Variants in ZNF316 observed in about 807,000 individuals in gnomAD.
ZNF316 encodes the protein zinc finger protein 316.
ZNF316 carries 23 observed loss-of-function variants against 75.6 expected under a neutral mutation model. The observed-to-expected ratio is 0.30, with a 90% confidence interval of 0.22 to 0.43. The LOEUF is 0.43. Ranked by LOEUF, ZNF316 falls within the 20% of genes least tolerant of loss-of-function variation. ZNF316 has a pLI of 1.00. For missense variants in ZNF316, 1,266 were observed against 1,409.4 expected, an observed-to-expected ratio of 0.90 and a Z score of 1.63; for synonymous variants, 827 against 666.2, an observed-to-expected ratio of 1.24 and a Z score of -3.72.
In ZNF316 at chr7:6,654,598, A is replaced by C; in HGVS notation, c.3002A>C (p.Glu1001Ala). 8.4e-7 allele frequency: 1 copy of C among 1,185,806 alleles called. No individual in the cohort carries two copies. Among genetic ancestry groups the C allele is most frequent in the Non-Finnish European group, 1.0e-6 (1 of 958,390 alleles). The allele number at this position is 1,185,806 out of a possible 1,614,324, so 73.5% of individuals were successfully genotyped here. The change falls in exon 9 of 9, where the codon GAG (glutamate) becomes GCG (alanine). Residue 1001 changes from glutamate (E) to alanine (A), a missense_variant. Glu to Ala is a moderately radical substitution (Grantham distance 107, BLOSUM62 -1). Transcript: ENST00000382252. ...AFAGPSGAYR[E>A]GVL is the part of the protein sequence containing the mutation. Reference sequence around the variant, plus strand: ...GCCGGGCCCTCGGGCGCCTACCGGGAGGGCGTCCTGTGAGGGGCCCGGGGC... The same window carrying C: ...GCCGGGCCCTCGGGCGCCTACCGGGCGGGCGTCCTGTGAGGGGCCCGGGGC...
In ZNF316 at chr7:6,654,736, AG is replaced by A. The variant is rs1247658354; in HGVS notation, c.*126del. The A allele has an allele frequency of 1.2e-6, 1 of 865,508 alleles. No individual in the cohort carries two copies. The highest frequency in any genetic ancestry group is 1.5e-6 in the Non-Finnish European group (1 of 682,742). The allele number at this position is 865,508 out of a possible 1,614,324, so 53.6% of individuals were successfully genotyped here. ...AGTCCTGGGTGCGGTGCCTTCCCTCAGCCCTCGCCCTGCGGCCCCGGGTCTC... is the reference window on the plus strand; with the variant it reads ...AGTCCTGGGTGCGGTGCCTTCCCTCACCCTCGCCCTGCGGCCCCGGGTCTC... On this transcript the variant is annotated 3_prime_UTR_variant, in exon 9 of 9. Transcript: ENST00000382252.
At position 6,637,956 on chromosome 7, in the gene ZNF316, T is replaced by A. The variant is rs1779246638; in HGVS notation, c.-320T>A. 1 of 152,138 alleles carries A rather than the reference T, an allele frequency of 6.6e-6. No individual in the cohort carries two copies. The highest frequency in any genetic ancestry group is 2.4e-5 in the African/African-American group (1 of 41,422). The allele number at this position is 152,138 out of a possible 1,614,324, so 9.4% of individuals were successfully genotyped here. ...TTGGGGGCCTTATCCGGGCTTTCCC[T>A]CATCTGCAGAAGGAGCCCCGGTGGG... is the stretch of plus-strand genomic sequence containing the variant. On this transcript the variant is annotated 5_prime_UTR_variant, in exon 2 of 9. Transcript: ENST00000382252. The surrounding 1 kb of genome is among the most constrained non-coding windows in gnomAD (Gnocchi z 6.2).
intron 8 of ZNF316, among the ~76,000 whole-genome samples, chr7:6,649,966 C>G (rs1295102111): frequency 2.0e-5 from 3 of 152,156 alleles, no homozygotes; most frequent in Non-Finnish European, 4.4e-5. Flanking sequence ...CTTCTGTGGG[C>G]AAGGCCGCCC....
Position 6,653,152 on chromosome 7 carries a change from G to A in ZNF316, c.1556G>A (p.Arg519Gln). The change falls in exon 9 of 9, where the codon CGG (arginine) becomes CAG (glutamine). Residue 519 changes from arginine to glutamine, a missense_variant. By Grantham distance (43) the Arg-to-Gln change is conservative (BLOSUM62 1). Coordinates refer to ENST00000382252, the MANE Select transcript of ZNF316 (RefSeq NM_001278559.2). Reference sequence around the variant, plus strand: ...GAGGCGGGTGGTGACGGCCCCCGGCGGGAGCCCGGCGAGACGGCGGCCGCC... The same window carrying A: ...GAGGCGGGTGGTGACGGCCCCCGGCAGGAGCCCGGCGAGACGGCGGCCGCC... ...CAEAGGDGPR[R>Q]EPGETAAAAG... The A allele has an allele frequency of 8.4e-7, 1 of 1,184,944 alleles. No homozygotes were observed. The highest frequency in any genetic ancestry group is 1.0e-6 in the Non-Finnish European group (1 of 958,290). The allele number at this position is 1,184,944 out of a possible 1,614,324, so 73.4% of individuals were successfully genotyped here.
In ZNF316 at chr7:6,652,373, G is replaced by A; in HGVS notation, c.777G>A (p.Val259=). ...EEDDEDFLAE[V]AEEENEPPGL... ...ACGACGAGGACTTCCTGGCGGAGGT[G>A]GCCGAGGAGGAGAACGAGCCCCCAG... Residue 259 remains valine, a synonymous_variant, in exon 9 of 9, where the codon GTG becomes GTA. Coordinates refer to ENST00000382252, the MANE Select transcript of ZNF316 (RefSeq NM_001278559.2). The A allele has an allele frequency of 8.1e-7, 1 of 1,232,352 alleles. No homozygotes were observed. The allele number at this position is 1,232,352 out of a possible 1,614,324, so 76.3% of individuals were successfully genotyped here. A position where few individuals can be genotyped will look rare whatever the true frequency, so the allele number is the denominator to read the frequency against.
In ZNF316 at chr7:6,642,325, AG is replaced by A. The variant is rs1206362392; in HGVS notation, c.-28-53del. ...CCGCCAGGCTGCGGGAGACCCTGTGAGGGGACCGTGTGGTGTGCTGAGAGCA... is the reference window on the plus strand; with the variant it reads ...CCGCCAGGCTGCGGGAGACCCTGTGAGGGACCGTGTGGTGTGCTGAGAGCA... On this transcript the variant is annotated intron_variant, in intron 4 of 8. Coordinates refer to ENST00000382252, the MANE Select transcript of ZNF316 (RefSeq NM_001278559.2). This position sits in a 1 kb window ranked among gnomAD's most constrained non-coding sequence, Gnocchi z 8.1. The A allele has an allele frequency of 3.3e-6, 3 of 908,146 alleles. No individual in the cohort carries two copies. The highest frequency in any genetic ancestry group is 4.3e-6 in the Non-Finnish European group (3 of 692,894). 56.3% of individuals were successfully genotyped at this position (908,146 alleles called of 1,614,324 possible).
In ZNF316 at chr7:6,642,052, A is replaced by T. The variant is rs949712407; in HGVS notation, c.-29+90A>T. 5.0e-6 allele frequency: 1 copy of T among 199,838 alleles called. No individual in the cohort carries two copies. Among genetic ancestry groups the T allele is most frequent in the Non-Finnish European group, 1.0e-5 (1 of 99,616 alleles). The allele number at this position is 199,838 out of a possible 1,614,324, so 12.4% of individuals were successfully genotyped here. On this transcript the variant is annotated intron_variant, in intron 4 of 8. Coordinates refer to ENST00000382252, the MANE Select transcript of ZNF316 (RefSeq NM_001278559.2). The surrounding 1 kb of genome is among the most constrained non-coding windows in gnomAD (Gnocchi z 8.1). ...CGGGCTGTGTGATGCTTCCTTGTGG[A>T]TAAAGACTGGGATAAATGCCTGATT...
Position 6,652,666 on chromosome 7 carries a change from G to A in ZNF316, c.1070G>A (p.Arg357His), listed in dbSNP as rs1779531476. Residue 357 changes from arginine to histidine, a missense_variant, in exon 9 of 9, where the codon CGC (arginine) becomes CAC (histidine). Physicochemically the swap from Arg to His is conservative, Grantham distance 29. This residue lies in a region of ZNF316 where 961 missense variants were observed against 990.9 expected (regional missense o/e 0.97). Coordinates refer to ENST00000382252, the MANE Select transcript of ZNF316 (RefSeq NM_001278559.2). The part of the protein sequence containing the change: ...CDVCGKVFPH[R>H]SRLAKHQRYH... ...GTGTGCGGCAAGGTCTTCCCGCACC[G>A]CTCGCGGCTGGCCAAGCACCAGCGC... The A allele has an allele frequency of 1.6e-6, 2 of 1,232,556 alleles. No homozygotes were observed. Among genetic ancestry groups the A allele is most frequent in the South Asian group, 4.0e-5 (1 of 24,984 alleles). The allele number at this position is 1,232,556 out of a possible 1,614,324, so 76.4% of individuals were successfully genotyped here.
chr7:6,653,458 T>A lies in ZNF316; in HGVS notation c.1862T>A (p.Phe621Tyr). 5 of 1,227,214 alleles carry A rather than the reference T, an allele frequency of 4.1e-6. No homozygotes were observed. Among genetic ancestry groups the A allele is most frequent in the Non-Finnish European group, 5.1e-6 (5 of 985,400 alleles). The allele number at this position is 1,227,214 out of a possible 1,614,324, so 76.0% of individuals were successfully genotyped here. The change falls in exon 9 of 9, where the codon TTC becomes TAC. Residue 621 changes from phenylalanine to tyrosine, a missense_variant. Physicochemically the swap from Phe to Tyr is conservative, Grantham distance 22 (BLOSUM62 3). Around this residue, in one of 3 missense-constraint regions of ZNF316, gnomAD observed 961 missense variants for 990.9 expected, o/e 0.97. Transcript: ENST00000382252. ...TTCCCGATCCTGGGCCTACCCGACT[T>A]CCGAGAGCGGCTGCCGGTCGACGGG... ...DSFPILGLPD[F>Y]RERLPVDGRP...
intron 8 of ZNF316, among the ~76,000 whole-genome samples, chr7:6,647,360 GC>G (rs1032306919): frequency 1.3e-4 from 20 of 152,252 alleles, no homozygotes; most frequent in African/African-American, 4.3e-4. Context: ...AATGTGTGGG[GC>G]CAGTGCCACC....
chr7:6,657,397 A>G lies in ZNF316; in HGVS notation c.*2786A>G, dbSNP rs1430452390. 1.3e-5 allele frequency among the ~76,000 whole-genome samples: 2 copies of G among 150,162 alleles called. No individual in the cohort carries two copies. Among genetic ancestry groups the G allele is most frequent in the Admixed American group, 6.7e-5 (1 of 14,964 alleles). On this transcript the variant is annotated 3_prime_UTR_variant, in exon 9 of 9. Transcript: ENST00000382252. The stretch of plus-strand genomic sequence containing the variant: ...CTACTTGGGAGGCTGAGGTGGGAGG[A>G]TCGCCTGAGACCAGAAATTCAAGGC...
At chr7:6,647,025 T>C (rs1779417365) in intron 8 of ZNF316, among the ~76,000 whole-genome samples, 1 of 152,172 alleles carries the variant, frequency 6.6e-6, no homozygotes, top group African/African-American at 2.4e-5. Flanking sequence ...CCCGCCCTGG[T>C]TGAACCCTGT....
intron 6 of ZNF316, among the ~76,000 whole-genome samples, chr7:6,643,311 C>T (rs1259794361): frequency 6.6e-6 from 1 of 152,176 alleles, no homozygotes; most frequent in African/African-American, 2.4e-5. Flanking sequence ...TGGCTGCCAC[C>T]CACTCAACCG....
intron 8 of ZNF316, 51 bp from the exon 9 acceptor site, chr7:6,652,252 C>T: frequency 1.6e-6 from 2 of 1,231,372 alleles, no homozygotes; most frequent in Non-Finnish European, 2.0e-6. Flanking sequence ...GCCAGAGGCT[C>T]CTGTCAAGTT....
Position 6,653,666 on chromosome 7 carries a change from G to A in ZNF316, c.2070G>A (p.Pro690=), listed in dbSNP as rs1211115300. The change falls in exon 9 of 9, where the codon CCG becomes CCA. Residue 690 remains proline, a synonymous_variant. Transcript: ENST00000382252. The part of the protein sequence containing the change: ...APAALAEEES[P]WICSDCGKTF... ...CCGCGCTGGCGGAGGAGGAGAGCCC[G>A]TGGATCTGCTCGGACTGCGGCAAGA... 9 of 1,076,302 alleles carry A rather than the reference G, an allele frequency of 8.4e-6. No individual in the cohort carries two copies. The highest frequency in any genetic ancestry group is 5.1e-5 in the African/African-American group (3 of 58,276). The allele number at this position is 1,076,302 out of a possible 1,614,324, so 66.7% of individuals were successfully genotyped here.
intron 8 of ZNF316, among the ~76,000 whole-genome samples, chr7:6,646,143 T>C (rs1370799285): frequency 6.6e-6 from 1 of 151,568 alleles, no homozygotes; most frequent in Non-Finnish European, 1.5e-5. Flanking sequence ...GGAGATAAGG[T>C]TTGGGTGGGG....
At position 6,642,098 on chromosome 7, in the gene ZNF316, G is replaced by A. The variant is rs1779320211; in HGVS notation, c.-29+136G>A. ...TGATTTACTCCAGGAAAGAGCAGCA[G>A]TTCACACCAGGCACGTAGTTCTTGG... On this transcript the variant is annotated intron_variant, in intron 4 of 8. Coordinates refer to ENST00000382252, the MANE Select transcript of ZNF316 (RefSeq NM_001278559.2). This position sits in a 1 kb window ranked among gnomAD's most constrained non-coding sequence, Gnocchi z 8.1. The A allele has an allele frequency of 6.8e-6, 2 of 291,986 alleles. No individual in the cohort carries two copies. Among genetic ancestry groups the A allele is most frequent in the East Asian group, 1.1e-4 (2 of 18,060 alleles). The allele number at this position is 291,986 out of a possible 1,614,324, so 18.1% of individuals were successfully genotyped here. A position where few individuals can be genotyped will look rare whatever the true frequency, so the allele number is the denominator to read the frequency against.
At position 6,652,745 on chromosome 7, in the gene ZNF316, G is replaced by A. The variant is rs1011099974; in HGVS notation, c.1149G>A (p.Val383=). 5 of 1,255,102 alleles carry A rather than the reference G, an allele frequency of 4.0e-6. No homozygotes were observed. The African/African-American group carries it at 6.2e-5, about 16-fold the overall frequency. 77.7% of individuals were successfully genotyped at this position (1,255,102 alleles called of 1,614,324 possible). The change falls in exon 9 of 9, where the codon GTG becomes GTA. Residue 383 remains valine (V), a synonymous_variant. Coordinates refer to ENST00000382252, the MANE Select transcript of ZNF316 (RefSeq NM_001278559.2). Reference sequence around the variant, plus strand: ...GCGAGGAGTGCGGCAAGGGCTTCGTGTACCGCTCGCACTTGGCCATCCACC... The same window carrying A: ...GCGAGGAGTGCGGCAAGGGCTTCGTATACCGCTCGCACTTGGCCATCCACC... ...FGCEECGKGF[V]YRSHLAIHQR...
chr7:6,645,708 A>G (rs373733997), intron 8 of ZNF316, among the ~76,000 whole-genome samples: 1 of 149,986 alleles, frequency 6.7e-6, no homozygotes, highest in East Asian at 2.0e-4. Context: ...AAATAAAAAA[A>G]AAATAGGCTA....
Sources: gnomAD v4.1 joint callset for allele counts (sites outside exome capture counted in the v4.1 genomes callset) on GRCh38, gnomAD v4.1.1 for gene constraint, gnomAD v4.1.1 regional missense constraint, Gnocchi (gnomAD v3.1) non-coding constraint, MANE v1.5 for transcripts, NCBI Gene and HGNC (gene_info 2026-07-23, HGNC 2026-07-21) for gene names.